Variants in PLCH2 observed in about 807,000 individuals in gnomAD.
The protein encoded by PLCH2 is 1-phosphatidylinositol 4,5-bisphosphate phosphodiesterase eta-2.
In PLCH2, 98 loss-of-function variants were observed where a neutral mutation model predicts 134.7. The ratio of observed to expected loss-of-function variants is 0.73; its 90% CI spans 0.62 to 0.86. The LOEUF (loss-of-function observed/expected upper bound fraction) is 0.86. Among genes scored for constraint, PLCH2 ranks in the 40% least tolerant of loss-of-function variants. The pLI is 0.00. For synonymous variants in PLCH2, 974 were observed against 827.5 expected (o/e 1.18, Z -3.04); for missense variants, 1,994 against 1,986.6 (o/e 1.00, Z -0.07).
At chr1:2,475,760 T>C (rs1641581080), upstream of PLCH2, among the ~76,000 whole-genome samples, 1 of 151,986 alleles carries the variant, frequency 6.6e-6, no homozygotes, top group Non-Finnish European at 1.5e-5. Context: ...GAGGGAGACA[T>C]GGAGAGCCCA....
upstream of PLCH2, chr1:2,467,360 G>A: frequency 2.7e-6 from 1 of 374,104 alleles, no homozygotes; most frequent in Non-Finnish European, 4.7e-6. Flanking sequence ...TGCTGGGCCC[G>A]GGCTGGGCAG....
upstream of PLCH2, among the ~76,000 whole-genome samples, chr1:2,462,926 C>T (rs923649323): frequency 5.9e-5 from 9 of 152,168 alleles, no homozygotes; most frequent in East Asian, 1.9e-4. Flanking sequence ...TAACCGAAGC[C>T]GTAACATCCA....
At chr1:2,456,184 G>A (rs1049361314) in intron 2 of PLCH2, among the ~76,000 whole-genome samples, 6 of 152,178 alleles carry the variant, frequency 3.9e-5, no homozygotes, top group African/African-American at 1.2e-4. Flanking sequence ...AGGGCTATCA[G>A]GGTTACCAAG....
Position 2,478,515 on chromosome 1 carries a change from T to C in PLCH2, c.164T>C (p.Met55Thr), listed in dbSNP as rs963715547. 3.1e-6 allele frequency: 5 copies of C among 1,612,880 alleles called. No homozygotes were observed. The highest frequency in any genetic ancestry group is 4.2e-6 in the Non-Finnish European group (5 of 1,179,794). The change falls in exon 2 of 22, where the codon ATG (methionine) becomes ACG (threonine). Residue 55 changes from methionine to threonine, a missense_variant. Met to Thr is a moderately conservative substitution (Grantham distance 81, BLOSUM62 -1). Around this residue, in one of 2 missense-constraint regions of PLCH2, gnomAD observed 1,094 missense variants for 1,234.3 expected, o/e 0.89. Transcript: ENST00000378486. ...GGTGCCATGCAAGAGGGGATGCAGA[T>C]GGTGAAGCTGCGTGGCGGCTCCAAG... ...CMGAMQEGMQ[M>T]VKLRGGSKGL...
chr1:2,456,240 G>A (rs558725555), intron 2 of PLCH2, among the ~76,000 whole-genome samples: 6 of 152,280 alleles, frequency 3.9e-5, no homozygotes, highest in African/African-American at 1.4e-4. Context: ...CCGGGCCTTT[G>A]TCGGATTTAG....
intron 1 of PLCH2, among the ~76,000 whole-genome samples, chr1:2,429,634 C>T (rs561831948): frequency 6.6e-6 from 1 of 152,258 alleles, no homozygotes; most frequent in East Asian, 1.9e-4. Flanking sequence ...GCGGGGCTGC[C>T]CTTGGCAGAC....
At chr1:2,466,478 C>T (rs888066653), upstream of PLCH2, among the ~76,000 whole-genome samples, 2 of 152,176 alleles carry the variant, frequency 1.3e-5, no homozygotes, top group Admixed American at 1.3e-4. Context: ...GGTGGCTCCC[C>T]TCCCCCTCCA....
At chr1:2,501,310 G>A (rs12096577) in intron 20 of PLCH2, 45,653 of 152,072 alleles carry the variant, frequency 0.3, 7,758 homozygotes, top group African/African-American at 0.44. Flanking sequence ...TGGCCTCTGC[G>A]CCCTGGAGAT....
upstream of PLCH2, among the ~76,000 whole-genome samples, chr1:2,464,076 A>C (rs558460594): frequency 1.3e-5 from 2 of 152,346 alleles, no homozygotes; most frequent in African/African-American, 2.4e-5. Context: ...ATCGCTCGGC[A>C]GCTGGTTGCG....
upstream of PLCH2, among the ~76,000 whole-genome samples, chr1:2,463,976 C>T (rs1177757131): frequency 2.0e-5 from 3 of 152,386 alleles, no homozygotes; most frequent in African/African-American, 4.8e-5. Context: ...CTTCCCGGCT[C>T]CTGTCTACAG....
At chr1:2,433,843 G>A (rs1427829973) in intron 2 of PLCH2, among the ~76,000 whole-genome samples, 1 of 152,224 alleles carries the variant, frequency 6.6e-6, no homozygotes, top group Non-Finnish European at 1.5e-5. Flanking sequence ...CCCCCTCAGA[G>A]CCATCGACTC....
At chr1:2,438,182 T>C (rs1228217939) in intron 2 of PLCH2, among the ~76,000 whole-genome samples, 3 of 152,074 alleles carry the variant, frequency 2.0e-5, no homozygotes, top group Non-Finnish European at 4.4e-5. Context: ...TTGGCAGCCG[T>C]GGAAATGAGC....
At chr1:2,464,669 G>T (rs992471228), upstream of PLCH2, among the ~76,000 whole-genome samples, 1 of 152,224 alleles carries the variant, frequency 6.6e-6, no homozygotes, top group Non-Finnish European at 1.5e-5. Flanking sequence ...GGAAGCCGGG[G>T]CCTGGGCTCT....
At chr1:2,436,592 C>CTTCCTCCCTCCACCT (rs1639436068) in intron 2 of PLCH2, among the ~76,000 whole-genome samples, 1 of 150,746 alleles carries the variant, frequency 6.6e-6, no homozygotes, top group African/African-American at 2.5e-5. Context: ...TCCCTCCTCC[C>CTTCCTCCCTCCACCT]TTCCTCCCTC....
chr1:2,502,449 G>C, intron 21 of PLCH2, 40 bp downstream of exon 21: 9 of 1,534,864 alleles, frequency 5.9e-6, no homozygotes, highest in Non-Finnish European at 7.9e-6. Flanking sequence ...AGCCCTGTGC[G>C]AGTGCGGCCC....
chr1:2,495,562 G>C lies in PLCH2; in HGVS notation c.1827G>C (p.Gln609His). 1 of 1,548,356 alleles carries C rather than the reference G, an allele frequency of 6.5e-7. No individual in the cohort carries two copies. Among genetic ancestry groups the C allele is most frequent in the Non-Finnish European group, 8.7e-7 (1 of 1,145,516 alleles). ...GDEGQDSPGG[Q>H]SRGATRQKKT... ...AGGGTCAGGACTCCCCGGGAGGCCA[G>C]AGCCGAGGGTAGGTGCCCTGCCCCA... The change falls in exon 13 of 22, where the codon CAG becomes CAC. Residue 609 changes from glutamine to histidine, a missense_variant. Coordinates refer to ENST00000378486, the MANE Select transcript of PLCH2 (RefSeq NM_014638.4).
At position 2,497,717 on chromosome 1, in the gene PLCH2, C is replaced by A. The variant is rs1410091096; in HGVS notation, c.2224+108C>A. ...CCACAGGCTAGCAAGGGGGTGGGGG[C>A]GGCTTTGGCAGAGTCCCCTGGAGGG... On this transcript the variant is annotated intron_variant, in intron 16 of 21. Transcript: ENST00000378486. 4.5e-6 allele frequency: 3 copies of A among 665,640 alleles called. No individual in the cohort carries two copies. In the South Asian group the frequency reaches 5.5e-5, roughly 12 times the overall value. The allele number at this position is 665,640 out of a possible 1,614,324, so 41.2% of individuals were successfully genotyped here.
intron 1 of PLCH2, among the ~76,000 whole-genome samples, chr1:2,478,033 G>A (rs1032291277): frequency 6.6e-6 from 1 of 152,258 alleles, no homozygotes; most frequent in Non-Finnish European, 1.5e-5. Flanking sequence ...CACCTCATCT[G>A]TCTTGCCTCG....
In PLCH2 at chr1:2,497,494, C is replaced by T. The variant is rs1457636309; in HGVS notation, c.2117-8C>T. On this transcript the variant is annotated splice_polypyrimidine_tract_variant and splice_region_variant and intron_variant, in intron 15 of 21. Transcript: ENST00000378486. ...GCTGACCAGGGCAGCCTTGTGTCAC[C>T]CTCGCAGTTGCCCTGAACTACCAGT... 1.3e-6 allele frequency: 2 copies of T among 1,546,414 alleles called. No homozygotes were observed. The highest frequency in any genetic ancestry group is 1.7e-6 in the Non-Finnish European group (2 of 1,143,242).
Sources: allele counts gnomAD v4.1 joint callset (sites outside exome capture counted in the v4.1 genomes callset), GRCh38; gene constraint gnomAD v4.1.1; regional missense constraint gnomAD v4.1.1; transcripts MANE v1.5; gene names NCBI Gene and HGNC (gene_info 2026-07-23, HGNC 2026-07-21).